TTC34: variants seen among roughly 807,000 people sequenced by gnomAD.
TTC34 encodes tetratricopeptide repeat domain 34, also known as tetratricopeptide repeat protein 34.
Under a neutral mutation model 40.7 loss-of-function variants are expected in TTC34, and 44 were observed. That is an observed-to-expected ratio of 1.08 (90% CI 0.85 to 1.39). The LOEUF is 1.39. TTC34 is among the 40% of genes most tolerant of loss of function. TTC34 has a pLI of 0.00. For missense variants in TTC34, 884 were observed against 838.0 expected, an observed-to-expected ratio of 1.05 and a Z score of -0.68; for synonymous variants, 422 against 398.6, an observed-to-expected ratio of 1.06 and a Z score of -0.70.
At chr1:2,799,538 C>T (rs1643750654) in intron 2 of TTC34, among the ~76,000 whole-genome samples, 1 of 151,596 alleles carries the variant, frequency 6.6e-6, no homozygotes, top group Non-Finnish European at 1.5e-5. Flanking sequence ...AATGAAACTC[C>T]ATCTCAAAAA....
intron 6 of TTC34, among the ~76,000 whole-genome samples, chr1:2,769,522 CTGACAACCTGG>C: frequency 9.4e-6 from 1 of 105,934 alleles, no homozygotes; most frequent in African/African-American, 4.4e-5. Flanking sequence ...CAGTGAGCAT[CTGACAACCTGG>C]AGCAGCACCC....
intron 6 of TTC34, among the ~76,000 whole-genome samples, chr1:2,687,578 G>A (rs1174193855): frequency 5.1e-5 from 2 of 39,178 alleles, no homozygotes; most frequent in Non-Finnish European, 8.6e-5. Flanking sequence ...GCCAGGTGAC[G>A]ATCTGACAGC....
rs1382150095 is a variant in TTC34 at position 2,767,846 on chromosome 1, C to G, written c.2226+15763G>C. Among the ~76,000 whole-genome samples, 9 of 147,492 alleles carry G rather than the reference C, an allele frequency of 6.1e-5. 1 individual carries two copies. ...CTGACAGCCTGGAGCAGCACCCACA[C>G]CCCCAGGTGTGCATCTGACAGCCTG... is the stretch of plus-strand genomic sequence containing the variant. On this transcript the variant is annotated intron_variant, in intron 6 of 8. Coordinates refer to ENST00000401095, the Ensembl canonical transcript of TTC34.
intron 6 of TTC34, among the ~76,000 whole-genome samples, chr1:2,750,648 C>G (rs1469213270): frequency 6.6e-6 from 1 of 151,224 alleles, no homozygotes; most frequent in Non-Finnish European, 1.5e-5. Flanking sequence ...ACCCACACCC[C>G]CAGGTGAGCA....
At chr1:2,759,640 C>CACAGGTGAGCAT (rs1641626639) in intron 6 of TTC34, among the ~76,000 whole-genome samples, 1 of 151,922 alleles carries the variant, frequency 6.6e-6, no homozygotes, top group Non-Finnish European at 1.5e-5. Flanking sequence ...CACCCACACC[C>CACAGGTGAGCAT]CCAGGTGAGC....
chr1:2,641,240 A>AG, exon 9 of TTC34: 1 of 910,018 alleles, frequency 1.1e-6, no homozygotes, highest in Non-Finnish European at 1.4e-6. Context: ...AGGGCTGGGA[A>AG]GGGGGTGTGG....
At chr1:2,799,956 C>T in intron 2 of TTC34, 88 bp downstream of exon 2, 1 of 398,262 alleles carries the variant, frequency 2.5e-6, no homozygotes. Context: ...ACAGCCTCAC[C>T]CCATCATGGC....
At chr1:2,649,503 G>T (rs1326994043) in intron 6 of TTC34, among the ~76,000 whole-genome samples, 1 of 152,096 alleles carries the variant, frequency 6.6e-6, no homozygotes, top group Non-Finnish European at 1.5e-5. Context: ...GCATTTGACA[G>T]CCTGGAACAG....
rs1202802641 is a variant in TTC34, at chr1:2,751,690, C to G, written c.2226+31919G>C. Among the ~76,000 whole-genome samples, 9 of 145,608 alleles carry G rather than the reference C, an allele frequency of 6.2e-5. 1 individual carries two copies. The highest frequency in any genetic ancestry group is 1.2e-4 in the Non-Finnish European group (8 of 66,904). Reference sequence around the variant, plus strand: ...ACAGCCTGGATCAGCACCCACAACCCCAAGCGAGCATCCGACAGCCTGGAG... The same window carrying G: ...ACAGCCTGGATCAGCACCCACAACCGCAAGCGAGCATCCGACAGCCTGGAG... On this transcript the variant is annotated intron_variant, in intron 6 of 8. Coordinates refer to ENST00000401095, the Ensembl canonical transcript of TTC34.
At chr1:2,751,661 T>A in intron 6 of TTC34, among the ~76,000 whole-genome samples, 1 of 140,018 alleles carries the variant, frequency 7.1e-6, no homozygotes, top group African/African-American at 2.8e-5. Context: ...CAGTTGAGCA[T>A]TGGACAGCCT....
At chr1:2,799,275 G>A (rs1425916888) in intron 2 of TTC34, among the ~76,000 whole-genome samples, 2 of 152,218 alleles carry the variant, frequency 1.3e-5, no homozygotes, top group Non-Finnish European at 2.9e-5. Flanking sequence ...GGGCGCGGTG[G>A]TTCACTCCTG....
chr1:2,750,688 C>T (rs1641289042), intron 6 of TTC34, among the ~76,000 whole-genome samples: 1 of 152,046 alleles, frequency 6.6e-6, no homozygotes, highest in African/African-American at 2.4e-5. Context: ...ACCCTGCACC[C>T]CCAAGTGAGC....
chr1:2,688,619 GCGCATCTGATGGTCTGGAGT>G (rs1640482959), intron 6 of TTC34, among the ~76,000 whole-genome samples: 8 of 127,926 alleles, frequency 6.3e-5, no homozygotes, highest in African/African-American at 1.8e-4. Context: ...ACCCCCAGGT[GCGCATCTGATGGTCTGGAGT>G]AGCACCCACA....
chr1:2,800,144 G>C, exon 2 of TTC34: 2 of 398,572 alleles, frequency 5.0e-6, no homozygotes, highest in East Asian at 7.1e-5. Context: ...CAGGTGACAG[G>C]GTGTCACTCC....
At chr1:2,687,349 T>G (rs1481856794) in intron 6 of TTC34, among the ~76,000 whole-genome samples, 1 of 138,856 alleles carries the variant, frequency 7.2e-6, no homozygotes, top group East Asian at 2.2e-4. Flanking sequence ...TCCGACAGCC[T>G]GGAGCAGCAC....
intron 6 of TTC34, among the ~76,000 whole-genome samples, chr1:2,756,605 C>T (rs1641513674): frequency 6.6e-6 from 1 of 151,864 alleles, no homozygotes; most frequent in African/African-American, 2.4e-5. Flanking sequence ...GAGCATCTGA[C>T]AGCCTGGAAC....
chr1:2,787,410 G>A (rs941980902), intron 4 of TTC34, 71 bp downstream of exon 4: 11 of 1,364,854 alleles, frequency 8.1e-6, no homozygotes, highest in African/African-American at 1.5e-5. Context: ...CCAGGGCCAC[G>A]GGAGGCCTGT....
intron 6 of TTC34, among the ~76,000 whole-genome samples, chr1:2,767,982 G>C (rs867775643): frequency 7.3e-5 from 11 of 149,990 alleles, no homozygotes. Flanking sequence ...CAGGTGATGT[G>C]ACTGCGTGGA....
At chr1:2,794,477 G>T (rs1233929369) in intron 2 of TTC34, among the ~76,000 whole-genome samples, 1 of 152,088 alleles carries the variant, frequency 6.6e-6, no homozygotes, top group South Asian at 2.1e-4. Context: ...GTTAAATTTT[G>T]CTACAATGTC....
Sources: gnomAD v4.1 joint callset for allele counts (sites outside exome capture counted in the v4.1 genomes callset) on GRCh38, gnomAD v4.1.1 for gene constraint, MANE v1.5 for transcripts, NCBI Gene and HGNC (gene_info 2026-07-23, HGNC 2026-07-21) for gene names.